The following PLD1 variants were observed in gnomAD, a reference collection of about 807,000 sequenced individuals.
PLD1 encodes the protein choline phosphatase 1.
A neutral mutation model predicts 137.1 loss-of-function variants in PLD1; 112 were observed. The observed-to-expected ratio is 0.82, with a 90% CI of 0.70 to 0.96. The LOEUF (loss-of-function observed/expected upper bound fraction) is 0.96, where lower values mean the gene tolerates loss of function less well. PLD1 is among the 40% of genes least tolerant of loss of function. The pLI is 0.00. For missense variants in PLD1, 1,321 were observed against 1,342.0 expected (o/e 0.98, Z 0.24); for synonymous variants, 431 against 454.7 (o/e 0.95, Z 0.66).
chr3:171,634,029 T>C lies in PLD1; in HGVS notation c.2593+8811A>G, dbSNP rs551436309. 1.6e-4 allele frequency among the ~76,000 whole-genome samples: 25 copies of C among 152,356 alleles called. No homozygotes were observed. The South Asian group carries it at 2.9e-3, about 18-fold the overall frequency. On this transcript the variant is annotated intron_variant, in intron 23 of 26. Coordinates refer to ENST00000351298, the MANE Select transcript of PLD1 (RefSeq NM_002662.5). ...ATCCAATTAGAGATTAGCTAGTTCA[T>C]GTATTTAAAACCACTACATATACAA...
At chr3:171,685,387 C>T (rs1007713576) in intron 16 of PLD1, among the ~76,000 whole-genome samples, 1 of 152,126 alleles carries the variant, frequency 6.6e-6, no homozygotes, top group African/African-American at 2.4e-5. Flanking sequence ...AGAGCCCTGG[C>T]CTTAGGTTCT....
rs1731886368 is a variant in PLD1, at chr3:171,602,342, A to G, written c.*736T>C. 6.6e-6 allele frequency: 1 copy of G among 152,140 alleles called. No individual in the cohort carries two copies. The highest frequency in any genetic ancestry group is 6.5e-5 in the Admixed American group (1 of 15,278). 9.4% of individuals were successfully genotyped at this position (152,140 alleles called of 1,614,324 possible). ...TGATCAGGTGGGCCTAATCACAAGG[A>G]CTCATGTTGTCAGTGCCTTTGGGAG... On this transcript the variant is annotated 3_prime_UTR_variant, in exon 27 of 27. Transcript: ENST00000351298.
chr3:171,655,875 C>G (rs1737145622), intron 21 of PLD1, among the ~76,000 whole-genome samples: 1 of 151,890 alleles, frequency 6.6e-6, no homozygotes, highest in Non-Finnish European at 1.5e-5. Context: ...ATGTGTCTGT[C>G]AAAAAAATGA....
Position 171,659,249 on chromosome 3 carries a change from C to T in PLD1, c.2393G>A (p.Gly798Asp). Residue 798 changes from glycine (G) to aspartate (D), a missense_variant, in exon 21 of 27, where the codon GGC (glycine) becomes GAC (aspartate). Physicochemically the swap from Gly to Asp is moderately conservative, Grantham distance 94. Transcript: ENST00000351298. ...ADDKVVFNKI[G>D]DAIAQRILKA... is the part of the protein sequence containing the mutation. Reference sequence around the variant, plus strand: ...CAGGATCCTCTGGGCAATGGCATCGCCTATCTTGTTGAACACAACTTTGTC... The same window carrying T: ...CAGGATCCTCTGGGCAATGGCATCGTCTATCTTGTTGAACACAACTTTGTC... 4 of 1,613,746 alleles carry T rather than the reference C, an allele frequency of 2.5e-6. No homozygotes were observed. Among genetic ancestry groups the T allele is most frequent in the South Asian group, 1.1e-5 (1 of 91,064 alleles).
Position 171,659,304 on chromosome 3 carries a change from A to G in PLD1, c.2341-3T>C. On this transcript the variant is annotated splice_polypyrimidine_tract_variant and splice_region_variant and intron_variant, in intron 20 of 26. Transcript: ENST00000351298. ...GCACAGCTTATGAAAAACTGGTTCT[A>G]TGAGAAATAAACAAGACAATCATGT... The G allele has an allele frequency of 6.3e-7, 1 of 1,587,884 alleles. No individual in the cohort carries two copies. The highest frequency in any genetic ancestry group is 8.7e-7 in the Non-Finnish European group (1 of 1,155,994).
rs911743778 is a variant in PLD1 at position 171,727,263 on chromosome 3, A to G, written c.607-1187T>C. ...TAAGTTGTCCAAGATCACATAGTTA[A>G]GAAGGGATTAACTCAGTATGGTTAA... On this transcript the variant is annotated intron_variant, in intron 6 of 26. Transcript: ENST00000351298. 5.9e-5 allele frequency among the ~76,000 whole-genome samples: 9 copies of G among 152,336 alleles called. 1 individual carries two copies. Among genetic ancestry groups the G allele is most frequent in the African/African-American group, 2.2e-4 (9 of 41,586 alleles).
intron 8 of PLD1, among the ~76,000 whole-genome samples, chr3:171,716,592 GT>G (rs776309379): frequency 6.6e-6 from 1 of 151,808 alleles, no homozygotes; most frequent in Non-Finnish European, 1.5e-5. Context: ...GGAATTTTTT[GT>G]TTTTTTGCTT....
intron 23 of PLD1, among the ~76,000 whole-genome samples, chr3:171,639,422 TTATA>T (rs1223730295): frequency 2.4e-5 from 3 of 124,934 alleles, no homozygotes; most frequent in Non-Finnish European, 4.7e-5. Flanking sequence ...AATTTTTAAT[TTATA>T]TTTTATATAT....
At chr3:171,641,931 G>A (rs1461167244) in intron 23 of PLD1, among the ~76,000 whole-genome samples, 4 of 152,058 alleles carry the variant, frequency 2.6e-5, no homozygotes, top group African/African-American at 4.8e-5. Flanking sequence ...GGCTGTCCAC[G>A]TTTTCACAAT....
intron 1 of PLD1, among the ~76,000 whole-genome samples, chr3:171,791,395 A>G (rs889277731): frequency 1.3e-5 from 2 of 152,316 alleles, no homozygotes; most frequent in East Asian, 3.9e-4. Flanking sequence ...GTTCAGGAGC[A>G]CTGGGCTTTC....
intron 23 of PLD1, among the ~76,000 whole-genome samples, chr3:171,621,026 A>G (rs1193971749): frequency 3.3e-5 from 5 of 152,014 alleles, no homozygotes; most frequent in Admixed American, 2.0e-4. Context: ...CATTTGTAGC[A>G]TATTCAGCGT....
At chr3:171,610,268 T>G (rs552695039) in intron 25 of PLD1, among the ~76,000 whole-genome samples, 34 of 152,282 alleles carry the variant, frequency 2.2e-4, no homozygotes, top group African/African-American at 7.5e-4. Flanking sequence ...TAAAATATAA[T>G]GTAGCCATTA....
chr3:171,724,006 A>T (rs1718326818), intron 8 of PLD1, among the ~76,000 whole-genome samples: 1 of 152,176 alleles, frequency 6.6e-6, no homozygotes, highest in Admixed American at 6.5e-5. Flanking sequence ...ACTCTATAGG[A>T]ATACCACATT....
rs1417638072 is a variant in PLD1 at position 171,603,391 on chromosome 3, C to A, written c.3001-89G>T. On this transcript the variant is annotated intron_variant, in intron 26 of 26. Coordinates refer to ENST00000351298, the MANE Select transcript of PLD1 (RefSeq NM_002662.5). Reference sequence around the variant, plus strand: ...AAAATAATTATTCCAACAGACAAGACCTCTGTTGTATGAAACATATTATTA... The same window carrying A: ...AAAATAATTATTCCAACAGACAAGAACTCTGTTGTATGAAACATATTATTA... The A allele has an allele frequency of 8.3e-6, 7 of 847,590 alleles. 1 individual carries two copies. Among genetic ancestry groups the A allele is most frequent in the East Asian group, 2.6e-5 (1 of 38,184 alleles). The allele number at this position is 847,590 out of a possible 1,614,324, so 52.5% of individuals were successfully genotyped here. A position where few individuals can be genotyped will look rare whatever the true frequency, so the allele number is the denominator to read the frequency against.
chr3:171,685,132 T>C (rs539102890), intron 16 of PLD1, among the ~76,000 whole-genome samples: 24 of 152,322 alleles, frequency 1.6e-4, no homozygotes, highest in Non-Finnish European at 2.8e-4. Context: ...TTTTGCAACT[T>C]TTTTTAGCTC....
At position 171,725,877 on chromosome 3, in the gene PLD1, C is replaced by A. The variant is rs556042751; in HGVS notation, c.665+141G>T. On this transcript the variant is annotated intron_variant, in intron 7 of 26. Coordinates refer to ENST00000351298, the MANE Select transcript of PLD1 (RefSeq NM_002662.5). ...GATGCTCTGATTTGTATGAATAATT[C>A]CATCAGTTGCTCTAACTACTGGGGA... 5 of 639,740 alleles carry A rather than the reference C, an allele frequency of 7.8e-6. No homozygotes were observed. The East Asian group carries it at 1.1e-4, about 14-fold the overall frequency. The allele number at this position is 639,740 out of a possible 1,614,324, so 39.6% of individuals were successfully genotyped here. A position where few individuals can be genotyped will look rare whatever the true frequency, so the allele number is the denominator to read the frequency against.
chr3:171,620,242 A>C, intron 24 of PLD1, 144 bp downstream of exon 24: 1 of 544,512 alleles, frequency 1.8e-6, no homozygotes, highest in Non-Finnish European at 3.2e-6. Context: ...GTAAGAGAAG[A>C]GGATGGCTTC....
In PLD1 at chr3:171,674,499, C is replaced by T. The variant is rs753025796; in HGVS notation, c.2229+1G>A. ...AAAAAGAAAAGCCAGAACTTACTTA[C>T]CTGTACGTTAGCATGGACAGACCCA... On this transcript the variant is annotated splice_donor_variant, in intron 19 of 26. Transcript: ENST00000351298. LOFTEE classifies it high-confidence loss of function. 4.0e-6 allele frequency: 6 copies of T among 1,507,812 alleles called. No homozygotes were observed. Among genetic ancestry groups the T allele is most frequent in the Non-Finnish European group, 4.6e-6 (5 of 1,093,092 alleles). The allele number at this position is 1,507,812 out of a possible 1,614,324, so 93.4% of individuals were successfully genotyped here.
At chr3:171,632,820 A>G (rs1734787055) in intron 23 of PLD1, among the ~76,000 whole-genome samples, 1 of 152,198 alleles carries the variant, frequency 6.6e-6, no homozygotes, top group African/African-American at 2.4e-5. Flanking sequence ...TCATATTCGT[A>G]ATTTTCTAAA....
Sources: allele counts gnomAD v4.1 joint callset (sites outside exome capture counted in the v4.1 genomes callset), GRCh38; gene constraint gnomAD v4.1.1; transcripts MANE v1.5; gene names NCBI Gene and HGNC (gene_info 2026-07-23, HGNC 2026-07-21).